Variants in ANKLE2 observed in about 807,000 individuals in gnomAD.
The protein encoded by ANKLE2 is ankyrin repeat and LEM domain-containing protein 2.
In ANKLE2, 55 loss-of-function variants were observed where a neutral mutation model predicts 84.2. That is an observed-to-expected ratio of 0.65 (90% CI 0.53 to 0.82). ANKLE2 has a LOEUF of 0.82. ANKLE2 is among the 40% of genes least tolerant of loss of function. ANKLE2 has a pLI of 0.00. For missense variants in ANKLE2, 1,238 were observed against 1,201.9 expected (o/e 1.03, Z -0.44); for synonymous variants, 551 against 486.1 (o/e 1.13, Z -1.76).
At chr12:132,751,551 GT>G (rs1212723020) in intron 2 of ANKLE2, among the ~76,000 whole-genome samples, 12 of 149,426 alleles carry the variant, frequency 8.0e-5, no homozygotes, top group South Asian at 6.4e-4. Flanking sequence ...GGGAATGGCT[GT>G]TTTTTTTTGA....
chr12:132,736,407 C>G (rs1393872751), intron 8 of ANKLE2, among the ~76,000 whole-genome samples: 1 of 152,250 alleles, frequency 6.6e-6, no homozygotes, highest in Non-Finnish European at 1.5e-5. Flanking sequence ...AAGGATTTCT[C>G]TGAACACTGG....
At chr12:132,756,763 T>A (rs1173477454) in intron 1 of ANKLE2, 2 of 146,798 alleles carry the variant, frequency 1.4e-5, no homozygotes, top group Non-Finnish European at 3.0e-5. Context: ...CCATCTCTAC[T>A]AAAAAAAAAA....
In ANKLE2 at chr12:132,759,545, T is replaced by C. The variant is rs2044575116; in HGVS notation, c.181+2073A>G. 2.0e-5 allele frequency: 3 copies of C among 152,340 alleles called. No homozygotes were observed. In the South Asian group the frequency reaches 6.2e-4, roughly 32 times the overall value. The allele number at this position is 152,340 out of a possible 1,614,324, so 9.4% of individuals were successfully genotyped here. A position where few individuals can be genotyped will look rare whatever the true frequency, so the allele number is the denominator to read the frequency against. On this transcript the variant is annotated intron_variant, in intron 1 of 12. Transcript: ENST00000357997. ...TGTATACTATATGTGCTATATGATA[T>C]ACACGTATCATATGCCATGATATAC... is the stretch of plus-strand genomic sequence containing the variant.
At chr12:132,742,608 CGAT>C (rs1388958303) in intron 6 of ANKLE2, 1 of 152,150 alleles carries the variant, frequency 6.6e-6, no homozygotes, top group Admixed American at 6.6e-5. Flanking sequence ...TGTCTGGGTC[CGAT>C]GAGTATGTAT....
chr12:132,734,587 A>G lies in ANKLE2; in HGVS notation c.1701-12T>C, dbSNP rs757994092. 8.8e-6 allele frequency: 14 copies of G among 1,596,158 alleles called. No individual in the cohort carries two copies. The highest frequency in any genetic ancestry group is 1.2e-5 in the Non-Finnish European group (14 of 1,172,928). On this transcript the variant is annotated splice_polypyrimidine_tract_variant and intron_variant, in intron 9 of 12. Coordinates refer to ENST00000357997, the MANE Select transcript of ANKLE2 (RefSeq NM_015114.3). The stretch of plus-strand genomic sequence containing the variant: ...CATGAGCTAGCTCCCTGTAAGAAAC[A>G]AAACACAATTAACCAGCTGTGAAAC...
In ANKLE2 at chr12:132,727,387, C is replaced by G. The variant is rs77646743; in HGVS notation, c.2672G>C (p.Gly891Ala). The G allele has an allele frequency of 0.07, 109,200 of 1,560,976 alleles. 4,229 individuals carry two copies. The highest frequency in any genetic ancestry group is 0.11 in the East Asian group (4,696 of 42,166). Residue 891 changes from glycine (G) to alanine (A), a missense_variant, in exon 13 of 13, where the codon GGC (glycine) becomes GCC (alanine). By Grantham distance (60) the Gly-to-Ala change is moderately conservative (BLOSUM62 0). This residue lies in a region of ANKLE2 where 802 missense variants were observed against 774.5 expected (regional missense o/e 1.04). Coordinates refer to ENST00000357997, the MANE Select transcript of ANKLE2 (RefSeq NM_015114.3). ...RFKSQLPDLS[G>A]PHSYSPGRNS... ...TCTCCCCGGACTGTAGCTGTGAGGGCCACTGAGATCTGGCAGCTGAGACTT... is the reference window on the plus strand; with the variant it reads ...TCTCCCCGGACTGTAGCTGTGAGGGGCACTGAGATCTGGCAGCTGAGACTT...
intron 7 of ANKLE2, among the ~76,000 whole-genome samples, chr12:132,739,478 T>C (rs1298766834): frequency 2.0e-5 from 3 of 152,194 alleles, no homozygotes; most frequent in African/African-American, 7.2e-5. Flanking sequence ...AAAGAAGACA[T>C]ACAGTATGTA....
At chr12:132,735,639 T>A in intron 8 of ANKLE2, 127 bp from the exon 9 acceptor site, 1 of 715,836 alleles carries the variant, frequency 1.4e-6, no homozygotes, top group Non-Finnish European at 2.3e-6. Flanking sequence ...TCCCCTTCAC[T>A]AGCAGATCCC....
intron 2 of ANKLE2, among the ~76,000 whole-genome samples, chr12:132,753,932 G>A (rs1271142206): frequency 6.6e-6 from 1 of 151,992 alleles, no homozygotes; most frequent in Non-Finnish European, 1.5e-5. Flanking sequence ...CCCTGTTTCA[G>A]ATGAATGAAT....
intron 10 of ANKLE2, among the ~76,000 whole-genome samples, chr12:132,732,764 G>A (rs77632590): frequency 1.6e-3 from 203 of 123,552 alleles, no homozygotes; most frequent in African/African-American, 5.3e-3. Context: ...AGCACTGCGC[G>A]TCCTGGTGTC....
Position 132,750,679 on chromosome 12 carries a change from T to A in ANKLE2, c.811A>T (p.Lys271Ter), listed in dbSNP as rs1160165374. 1 of 1,614,132 alleles carries A rather than the reference T, an allele frequency of 6.2e-7. No individual in the cohort carries two copies. The highest frequency in any genetic ancestry group is 1.3e-5 in the African/African-American group (1 of 74,938). Residue 271 changes from lysine (K) to a stop codon, truncating the protein, a stop_gained, in exon 3 of 13, where the codon AAA (lysine) becomes TAA (stop). Coordinates refer to ENST00000357997, the MANE Select transcript of ANKLE2 (RefSeq NM_015114.3). LOFTEE classifies it high-confidence loss of function. The stretch of plus-strand genomic sequence containing the variant: ...TCATTGCTAAAGAGTGGAGCTGTTT[T>A]CACAGGAGACAGTGGTAAGGACGTT... ...SKTSLPLSPV[K>*]TAPLFSNDRL...
At chr12:132,745,180 C>T (rs375626168) in intron 5 of ANKLE2, 6 of 155,496 alleles carry the variant, frequency 3.9e-5, no homozygotes, top group South Asian at 3.6e-4. Flanking sequence ...AAGATGTCAA[C>T]CCGAATTCTC....
At chr12:132,728,482 C>A (rs1307047305) in intron 11 of ANKLE2, among the ~76,000 whole-genome samples, 1 of 152,208 alleles carries the variant, frequency 6.6e-6, no homozygotes, top group African/African-American at 2.4e-5. Flanking sequence ...CCCACCTCGG[C>A]CTCCCAAAGT....
At position 132,727,267 on chromosome 12, in the gene ANKLE2, C is replaced by A; in HGVS notation, c.2792G>T (p.Arg931Leu). ...CTACAGGGCGGCAAGCTCAGCCAGGCGCGCCATCCTGCGGAGCTGGCTCCC... is the reference window on the plus strand; with the variant it reads ...CTACAGGGCGGCAAGCTCAGCCAGGAGCGCCATCCTGCGGAGCTGGCTCCC... ...VHGSQLRRMA[R>L]LAELAAL The change falls in exon 13 of 13, where the codon CGC (arginine) becomes CTC (leucine). Residue 931 changes from arginine to leucine, a missense_variant. Arg to Leu is a moderately radical substitution (Grantham distance 102, BLOSUM62 -2). Transcript: ENST00000357997. 3.2e-6 allele frequency: 5 copies of A among 1,561,774 alleles called. No homozygotes were observed. Among genetic ancestry groups the A allele is most frequent in the Admixed American group, 1.9e-5 (1 of 53,138 alleles).
chr12:132,752,749 G>T (rs373196005), intron 2 of ANKLE2, among the ~76,000 whole-genome samples: 1 of 152,116 alleles, frequency 6.6e-6, no homozygotes, highest in Admixed American at 6.5e-5. Context: ...ACTCATAGGC[G>T]TCACCACAAA....
intron 2 of ANKLE2, 28 bp from the exon 3 acceptor site, chr12:132,750,877 T>C: frequency 3.1e-6 from 5 of 1,604,880 alleles, no homozygotes; most frequent in Non-Finnish European, 4.3e-6. Flanking sequence ...CAAATGAAAA[T>C]CAGAGAAGAG....
chr12:132,740,966 G>A (rs967773096), intron 7 of ANKLE2, among the ~76,000 whole-genome samples: 4 of 150,514 alleles, frequency 2.7e-5, no homozygotes, highest in Admixed American at 6.6e-5. Flanking sequence ...GACAGGGAGC[G>A]ACCCCCACCC....
In ANKLE2 at chr12:132,748,252, G is replaced by A; in HGVS notation, c.927C>T (p.Leu309=). The change falls in exon 4 of 13, where the codon CTC becomes CTT. Residue 309 remains leucine, a synonymous_variant. Coordinates refer to ENST00000357997, the MANE Select transcript of ANKLE2 (RefSeq NM_015114.3). ...CCACAGCTTTCCGAAGCTTGGCGGT[G>A]AGGTCCTGCGTGCGGGGATTTTTGT... ...NSYKNPRTQD[L]TAKLRKAVEK... The A allele has an allele frequency of 1.9e-6, 3 of 1,614,196 alleles. No homozygotes were observed. Among genetic ancestry groups the A allele is most frequent in the Non-Finnish European group, 2.5e-6 (3 of 1,180,048 alleles).
At position 132,750,111 on chromosome 12, in the gene ANKLE2, A is replaced by G. The variant is rs562015930; in HGVS notation, c.847+532T>C. On this transcript the variant is annotated intron_variant, in intron 3 of 12. Coordinates refer to ENST00000357997, the MANE Select transcript of ANKLE2 (RefSeq NM_015114.3). ...TCCCAGCTACTCGGGAGGCTGAGGCAGGAGAATCGCTTGAACCCGGGAGGT... is the reference window on the plus strand; with the variant it reads ...TCCCAGCTACTCGGGAGGCTGAGGCGGGAGAATCGCTTGAACCCGGGAGGT... Among the ~76,000 whole-genome samples, 3 of 149,374 alleles carry G rather than the reference A, an allele frequency of 2.0e-5. No individual in the cohort carries two copies. The South Asian group carries it at 6.4e-4, about 32-fold the overall frequency.
Sources: allele counts gnomAD v4.1 joint callset (sites outside exome capture counted in the v4.1 genomes callset), GRCh38; gene constraint gnomAD v4.1.1; regional missense constraint gnomAD v4.1.1; transcripts MANE v1.5; gene names NCBI Gene and HGNC (gene_info 2026-07-23, HGNC 2026-07-21).